The following ANKS1B variants were observed in gnomAD, a reference collection of about 807,000 sequenced individuals.
ANKS1B encodes the protein ankyrin repeat and sterile alpha motif domain containing 1B, also known as ankyrin repeat and sterile alpha motif domain-containing protein 1B.
A neutral mutation model predicts 148.3 loss-of-function variants in ANKS1B; 36 were observed. That is an observed-to-expected ratio of 0.24 (90% CI 0.19 to 0.32). The LOEUF (loss-of-function observed/expected upper bound fraction) is 0.32. ANKS1B is among the 10% of genes least tolerant of loss of function. The pLI, the probability that ANKS1B is intolerant of heterozygous loss-of-function variation, is 1.00. For missense variants in ANKS1B, 1,157 were observed against 1,542.6 expected, an observed-to-expected ratio of 0.75 and a Z score of 4.19; for synonymous variants, 542 against 560.8, an observed-to-expected ratio of 0.97 and a Z score of 0.47.
At chr12:98,888,110 G>A (rs1334730090) in intron 17 of ANKS1B, among the ~76,000 whole-genome samples, 1 of 152,010 alleles carries the variant, frequency 6.6e-6, no homozygotes, top group African/African-American at 2.4e-5. Context: ...TTTAATCTTT[G>A]TATTACATGC....
intron 9 of ANKS1B, among the ~76,000 whole-genome samples, chr12:99,591,540 G>C (rs944996808): frequency 8.0e-6 from 1 of 124,508 alleles, no homozygotes; most frequent in African/African-American, 3.1e-5. Context: ...ACCATCAGTA[G>C]CTTCTAGGGT....
intron 1 of ANKS1B, among the ~76,000 whole-genome samples, chr12:99,958,905 T>G (rs1016321620): frequency 6.6e-6 from 1 of 152,150 alleles, no homozygotes; most frequent in African/African-American, 2.4e-5. Context: ...AGATAATTAA[T>G]GTTTTGCATT....
chr12:99,410,648 A>G (rs2094668692), intron 11 of ANKS1B, among the ~76,000 whole-genome samples: 1 of 152,070 alleles, frequency 6.6e-6, no homozygotes, highest in South Asian at 2.1e-4. Context: ...CAGCCTGGGC[A>G]ACAGGGCAAG....
chr12:99,397,077 A>G (rs1372159539), intron 12 of ANKS1B, among the ~76,000 whole-genome samples: 2 of 152,156 alleles, frequency 1.3e-5, no homozygotes, highest in African/African-American at 4.8e-5. Flanking sequence ...ATAAAACTGC[A>G]TTTAGTACAT....
At chr12:99,534,592 C>T (rs990884082) in intron 9 of ANKS1B, among the ~76,000 whole-genome samples, 3 of 151,988 alleles carry the variant, frequency 2.0e-5, no homozygotes, top group African/African-American at 7.3e-5. Context: ...AATGGAAACA[C>T]CTAAAATAAC....
chr12:99,950,597 ATT>A (rs910494238), intron 1 of ANKS1B, among the ~76,000 whole-genome samples: 5 of 152,038 alleles, frequency 3.3e-5, no homozygotes, highest in East Asian at 1.9e-4. Flanking sequence ...AATAGTTATC[ATT>A]TGTTTCATTT....
intron 8 of ANKS1B, among the ~76,000 whole-genome samples, chr12:99,695,539 AT>A (rs1188807414): frequency 6.6e-6 from 1 of 152,220 alleles, no homozygotes; most frequent in Non-Finnish European, 1.5e-5. Flanking sequence ...TCACTGTCTT[AT>A]GCATGGTGGT....
chr12:98,959,043 G>A (rs917247606), intron 17 of ANKS1B, among the ~76,000 whole-genome samples: 1 of 152,136 alleles, frequency 6.6e-6, no homozygotes, highest in African/African-American at 2.4e-5. Context: ...GAAAGGGATG[G>A]TACACAGTGA....
chr12:99,373,231 G>A (rs1393853933), intron 12 of ANKS1B, among the ~76,000 whole-genome samples: 1 of 152,112 alleles, frequency 6.6e-6, no homozygotes, highest in Non-Finnish European at 1.5e-5. Flanking sequence ...GGCAGGAATA[G>A]GCCATTATGT....
chr12:99,401,823 T>C (rs1007725031), intron 11 of ANKS1B, among the ~76,000 whole-genome samples: 15 of 146,884 alleles, frequency 1.0e-4, no homozygotes, highest in Admixed American at 9.4e-4. Flanking sequence ...AGCATTATAC[T>C]TAGTCATGCC....
intron 22 of ANKS1B, among the ~76,000 whole-genome samples, chr12:98,792,606 C>A (rs2098889152): frequency 6.6e-6 from 1 of 152,174 alleles, no homozygotes; most frequent in Non-Finnish European, 1.5e-5. Flanking sequence ...TCCCCTCCTC[C>A]TCATCTACCC....
At chr12:99,687,510 A>AT (rs930920291) in intron 8 of ANKS1B, among the ~76,000 whole-genome samples, 5 of 151,046 alleles carry the variant, frequency 3.3e-5, no homozygotes, top group Admixed American at 6.6e-5. Context: ...GCTCTGTTCT[A>AT]TTTTTTTTCA....
chr12:99,064,509 C>A (rs897726382), intron 16 of ANKS1B, among the ~76,000 whole-genome samples: 1 of 152,186 alleles, frequency 6.6e-6, no homozygotes, highest in Non-Finnish European at 1.5e-5. Context: ...GGGAAGACTA[C>A]AAGTTAAAGG....
chr12:99,579,732 T>C (rs886791063), intron 9 of ANKS1B, among the ~76,000 whole-genome samples: 3 of 152,136 alleles, frequency 2.0e-5, no homozygotes, highest in African/African-American at 4.8e-5. Context: ...GAAAAGGGAA[T>C]GCTCATACTT....
intron 17 of ANKS1B, among the ~76,000 whole-genome samples, chr12:98,982,192 A>G (rs183139658): frequency 6.6e-6 from 1 of 152,332 alleles, no homozygotes; most frequent in East Asian, 1.9e-4. Context: ...AATATATGTA[A>G]ACTTAAAAGT....
intron 12 of ANKS1B, among the ~76,000 whole-genome samples, chr12:99,338,859 A>G (rs774289670): frequency 6.6e-6 from 1 of 152,122 alleles, no homozygotes; most frequent in Non-Finnish European, 1.5e-5. Context: ...AGTTAGGCAA[A>G]CTGCCTAAGA....
intron 22 of ANKS1B, among the ~76,000 whole-genome samples, chr12:98,783,177 A>G (rs2098754058): frequency 6.6e-6 from 1 of 152,262 alleles, no homozygotes; most frequent in Admixed American, 6.5e-5. Flanking sequence ...ATGAAAATCT[A>G]TTCGTTATTT....
intron 8 of ANKS1B, among the ~76,000 whole-genome samples, chr12:99,741,440 T>C (rs2060103058): frequency 6.6e-6 from 1 of 152,096 alleles, no homozygotes; most frequent in South Asian, 2.1e-4. Context: ...AAAGACACAT[T>C]CACATGTATG....
At chr12:99,412,518 T>C (rs576154589) in intron 11 of ANKS1B, among the ~76,000 whole-genome samples, 25 of 152,346 alleles carry the variant, frequency 1.6e-4, no homozygotes, top group South Asian at 4.1e-4. Context: ...ATTGTTCCAG[T>C]GACATCTTCC....
Sources: gnomAD v4.1 joint callset for allele counts (sites outside exome capture counted in the v4.1 genomes callset) on GRCh38, gnomAD v4.1.1 for gene constraint, MANE v1.5 for transcripts, NCBI Gene and HGNC (gene_info 2026-07-23, HGNC 2026-07-21) for gene names.